Variants in LNP1 observed in about 807,000 individuals in gnomAD.
The protein encoded by LNP1 is leukemia NUP98 fusion partner 1.
LNP1 carries 12 observed loss-of-function variants against 14.5 expected under a neutral mutation model. The observed-to-expected ratio is 0.83, with a 90% CI of 0.53 to 1.34. The LOEUF is 1.34. Ranked by LOEUF, LNP1 falls within the 40% of genes most tolerant of loss-of-function variation. The probability of loss-of-function intolerance (pLI) is 0.00; values close to 1 mark genes in which losing one functional copy is unlikely to be tolerated. For synonymous variants in LNP1, 75 were observed against 71.4 expected, an observed-to-expected ratio of 1.05 and a Z score of -0.26; for missense variants, 198 against 210.9, an observed-to-expected ratio of 0.94 and a Z score of 0.38.
rs143414164 is a variant in LNP1 at position 100,411,553 on chromosome 3, G to C, written c.-34+9114G>C. 2.6e-5 allele frequency among the ~76,000 whole-genome samples: 4 copies of C among 152,320 alleles called. No homozygotes were observed. The East Asian group carries it at 7.7e-4, about 29-fold the overall frequency. ...TTGCTGTAACAAAATACCACAGACT[G>C]AGTGGCATAAACAGCAGAAATTTGT... On this transcript the variant is annotated intron_variant, in intron 1 of 3. Transcript: ENST00000383693.
At chr3:100,444,818 A>C (rs1707373825) in intron 2 of LNP1, among the ~76,000 whole-genome samples, 1 of 152,234 alleles carries the variant, frequency 6.6e-6, no homozygotes, top group South Asian at 2.1e-4. Context: ...AATCTATAAA[A>C]TTTTAATCTT....
rs1707244888 is a variant in LNP1 at position 100,431,921 on chromosome 3, A to G, written c.156+2036A>G. 4.1e-5 allele frequency among the ~76,000 whole-genome samples: 6 copies of G among 145,922 alleles called. No individual in the cohort carries two copies. The South Asian group carries it at 1.3e-3, about 32-fold the overall frequency. ...GAGGTGGGAAGATCACTTGAGCCCA[A>G]GAGGTCGAGGCTGCAGTGAACGGTG... is the stretch of plus-strand genomic sequence containing the variant. On this transcript the variant is annotated intron_variant, in intron 2 of 3. Transcript: ENST00000383693.
chr3:100,450,783 G>A (rs1707430065), intron 2 of LNP1, among the ~76,000 whole-genome samples: 2 of 152,156 alleles, frequency 1.3e-5, no homozygotes, highest in African/African-American at 2.4e-5. Context: ...CATCTTCCCT[G>A]TTGGAAGTGA....
Position 100,402,130 on chromosome 3 carries a change from C to A in LNP1, c.-343C>A, listed in dbSNP as rs1706916256. On this transcript the variant is annotated 5_prime_UTR_variant, in exon 1 of 4. Transcript: ENST00000383693. ...CAACTCTTTTTCCGATGCTCTGCAC[C>A]AGATCTCTTAAAATATAAAATTACC... The A allele has an allele frequency of 1.3e-5, 2 of 152,138 alleles. No individual in the cohort carries two copies. The highest frequency in any genetic ancestry group is 2.9e-5 in the Non-Finnish European group (2 of 68,044). The allele number at this position is 152,138 out of a possible 1,614,324, so 9.4% of individuals were successfully genotyped here.
chr3:100,409,562 A>G (rs1369808538), intron 1 of LNP1, among the ~76,000 whole-genome samples: 4 of 53,576 alleles, frequency 7.5e-5, no homozygotes, highest in Non-Finnish European at 1.5e-4. Context: ...ATACATACAC[A>G]CACACACACA....
chr3:100,450,287 T>C (rs532825091), intron 2 of LNP1, among the ~76,000 whole-genome samples: 1 of 150,376 alleles, frequency 6.6e-6, no homozygotes, highest in South Asian at 2.1e-4. Context: ...ATATGGTCAC[T>C]GAGTGCTCTA....
intron 2 of LNP1, among the ~76,000 whole-genome samples, chr3:100,440,149 C>T (rs1337955185): frequency 6.6e-6 from 1 of 152,202 alleles, no homozygotes; most frequent in Non-Finnish European, 1.5e-5. Context: ...TCTACCTGTT[C>T]AAATTTCCTC....
chr3:100,428,520 AG>A (rs1296399887), intron 1 of LNP1, among the ~76,000 whole-genome samples: 8 of 151,270 alleles, frequency 5.3e-5, no homozygotes, highest in African/African-American at 1.7e-4. Context: ...CAACAGGACG[AG>A]ACTCCATCTC....
chr3:100,404,048 T>C (rs780027770), intron 1 of LNP1, among the ~76,000 whole-genome samples: 2 of 152,228 alleles, frequency 1.3e-5, no homozygotes, highest in African/African-American at 4.8e-5. Flanking sequence ...TTTCATTCTG[T>C]TTTTCCTTAC....
At chr3:100,424,293 G>C (rs1707172529) in intron 1 of LNP1, among the ~76,000 whole-genome samples, 2 of 152,152 alleles carry the variant, frequency 1.3e-5, no homozygotes, top group South Asian at 4.1e-4. Flanking sequence ...TTGCTAAAAA[G>C]GACTTATAAG....
rs146119235 is a variant in LNP1 at position 100,433,641 on chromosome 3, A to G, written c.156+3756A>G. 0.017 allele frequency among the ~76,000 whole-genome samples: 2,589 copies of G among 152,254 alleles called. 269 individuals carry two copies. The East Asian group carries it at 0.31, about 18-fold the overall frequency. Reference sequence around the variant, plus strand: ...TTCTAGATCCTTGAGGAATCACCACACTGTCTTCCACAATGGTTGAACTAA... The same window carrying G: ...TTCTAGATCCTTGAGGAATCACCACGCTGTCTTCCACAATGGTTGAACTAA... On this transcript the variant is annotated intron_variant, in intron 2 of 3. Transcript: ENST00000383693.
rs564067474 is a variant in LNP1 at position 100,438,869 on chromosome 3, G to C, written c.156+8984G>C. ...AGCGTGATTCACAAAACAGGGGATAGATAGGTGAGGCTATTTTAAGCCATT... is the reference window on the plus strand; with the variant it reads ...AGCGTGATTCACAAAACAGGGGATACATAGGTGAGGCTATTTTAAGCCATT... On this transcript the variant is annotated intron_variant, in intron 2 of 3. Transcript: ENST00000383693. Among the ~76,000 whole-genome samples the C allele has an allele frequency of 4.9e-4, 75 of 152,320 alleles. No homozygotes were observed. In the South Asian group the frequency reaches 0.011, roughly 22 times the overall value.
chr3:100,451,171 C>T (rs988721635), intron 2 of LNP1, among the ~76,000 whole-genome samples: 1 of 152,172 alleles, frequency 6.6e-6, no homozygotes, highest in Non-Finnish European at 1.5e-5. Flanking sequence ...GTTTATTTTG[C>T]CAAGGCTGAG....
chr3:100,405,659 C>G (rs1706958382), intron 1 of LNP1, among the ~76,000 whole-genome samples: 1 of 152,154 alleles, frequency 6.6e-6, no homozygotes, highest in African/African-American at 2.4e-5. Flanking sequence ...TCCTCATGAT[C>G]TAATCACTTC....
At chr3:100,452,870 G>A (rs980175357) in intron 3 of LNP1, among the ~76,000 whole-genome samples, 1 of 152,164 alleles carries the variant, frequency 6.6e-6, no homozygotes, top group African/African-American at 2.4e-5. Flanking sequence ...TTAATGTGGG[G>A]GTAGTTTCAA....
intron 2 of LNP1, among the ~76,000 whole-genome samples, chr3:100,449,686 G>T (rs1707420420): frequency 6.6e-6 from 1 of 151,826 alleles, no homozygotes; most frequent in Admixed American, 6.6e-5. Flanking sequence ...AAACATAAAG[G>T]CCTTTTAAAT....
chr3:100,408,852 T>C (rs1706997341), intron 1 of LNP1, among the ~76,000 whole-genome samples: 1 of 152,228 alleles, frequency 6.6e-6, no homozygotes, highest in African/African-American at 2.4e-5. Flanking sequence ...AAAACTGTTC[T>C]TCCTACCTAC....
At chr3:100,416,718 A>ATTTT (rs3082702) in intron 1 of LNP1, among the ~76,000 whole-genome samples, 2 of 110,400 alleles carry the variant, frequency 1.8e-5, no homozygotes, top group African/African-American at 5.8e-5. Flanking sequence ...TTTTGTTTTG[A>ATTTT]TTTTTTTTTT....
chr3:100,405,541 G>A (rs1259511473), intron 1 of LNP1, among the ~76,000 whole-genome samples: 1 of 152,184 alleles, frequency 6.6e-6, no homozygotes, highest in Non-Finnish European at 1.5e-5. Context: ...CCTATTCTGG[G>A]TTGAGGACTG....
Sources: gnomAD v4.1 joint callset for allele counts (sites outside exome capture counted in the v4.1 genomes callset) on GRCh38, gnomAD v4.1.1 for gene constraint, MANE v1.5 for transcripts, NCBI Gene and HGNC (gene_info 2026-07-23, HGNC 2026-07-21) for gene names.